PEAK1: variants seen among roughly 807,000 people sequenced by gnomAD.
PEAK1 encodes pseudopodium enriched atypical kinase 1.
In PEAK1, 54 loss-of-function variants were observed where a neutral mutation model predicts 124.7. The ratio of observed to expected loss-of-function variants is 0.43; its 90% confidence interval spans 0.35 to 0.54. The LOEUF (loss-of-function observed/expected upper bound fraction) is 0.54, where lower values mean the gene tolerates loss of function less well. Among genes scored for constraint, PEAK1 ranks in the 20% least tolerant of loss-of-function variants. PEAK1 has a pLI of 0.01. For missense variants in PEAK1, 2,046 were observed against 2,134.5 expected (o/e 0.96, Z 0.82); for synonymous variants, 719 against 760.0 (o/e 0.95, Z 0.89).
rs531002750 is a variant in PEAK1, at chr15:77,259,629, G to C, written c.-274-7103C>G. On this transcript the variant is annotated intron_variant, in intron 5 of 9. Coordinates refer to ENST00000682557, the MANE Select transcript of PEAK1 (RefSeq NM_001385026.1). ...TAATTCAACTTCTGCTTCTGACCAT[G>C]AGGGATTAAACAGTTCCAGGATGAT... 4.6e-5 allele frequency among the ~76,000 whole-genome samples: 7 copies of C among 152,254 alleles called. No individual in the cohort carries two copies. The East Asian group carries it at 1.4e-3, about 29-fold the overall frequency.
At chr15:77,398,390 A>G (rs575840621) in intron 1 of PEAK1, among the ~76,000 whole-genome samples, 1 of 152,338 alleles carries the variant, frequency 6.6e-6, no homozygotes, top group Non-Finnish European at 1.5e-5. Context: ...ACTGAATCCA[A>G]TAACACATTA....
At chr15:77,152,927 C>T (rs2054784867) in intron 8 of PEAK1, among the ~76,000 whole-genome samples, 1 of 152,282 alleles carries the variant, frequency 6.6e-6, no homozygotes, top group East Asian at 1.9e-4. Flanking sequence ...CAATGTTCAT[C>T]AAGGATATTG....
chr15:77,127,117 G>A (rs1020710324), intron 9 of PEAK1, among the ~76,000 whole-genome samples: 6 of 151,346 alleles, frequency 4.0e-5, no homozygotes, highest in African/African-American at 9.7e-5. Context: ...ACACTGGGGC[G>A]TGCTTGCACA....
At chr15:77,345,383 CAT>C (rs750156345) in intron 2 of PEAK1, among the ~76,000 whole-genome samples, 10 of 152,120 alleles carry the variant, frequency 6.6e-5, no homozygotes, top group Non-Finnish European at 1.0e-4. Context: ...CCCCATTTTG[CAT>C]AGTTTCTCTT....
intron 1 of PEAK1, among the ~76,000 whole-genome samples, chr15:77,409,123 T>C (rs1223306485): frequency 6.6e-6 from 1 of 152,130 alleles, no homozygotes; most frequent in Non-Finnish European, 1.5e-5. Context: ...CATCTTCCCT[T>C]GCGATAACAA....
intron 9 of PEAK1, among the ~76,000 whole-genome samples, chr15:77,128,991 A>G (rs1463633280): frequency 1.3e-5 from 2 of 152,216 alleles, no homozygotes; most frequent in Non-Finnish European, 2.9e-5. Context: ...CCACCAACTC[A>G]TATGTTGAAT....
At chr15:77,182,163 G>T in intron 6 of PEAK1, 123 bp from the exon 7 acceptor site, 2 of 868,278 alleles carry the variant, frequency 2.3e-6, no homozygotes, top group Non-Finnish European at 3.0e-6. Context: ...AAGACTGAGA[G>T]CTAAACTAAT....
intron 2 of PEAK1, among the ~76,000 whole-genome samples, chr15:77,290,644 G>A (rs1434138324): frequency 6.6e-6 from 1 of 152,022 alleles, no homozygotes; most frequent in African/African-American, 2.4e-5. Flanking sequence ...CCACCTCCCA[G>A]GCTCAAGCAA....
intron 6 of PEAK1, among the ~76,000 whole-genome samples, chr15:77,197,727 G>C (rs2058176500): frequency 6.6e-6 from 1 of 152,116 alleles, no homozygotes; most frequent in African/African-American, 2.4e-5. Context: ...TAAGAACTCT[G>C]ACTAACTGAA....
chr15:77,288,023 T>G (rs2063017615), intron 2 of PEAK1, among the ~76,000 whole-genome samples: 1 of 152,206 alleles, frequency 6.6e-6, no homozygotes, highest in South Asian at 2.1e-4. Flanking sequence ...CATCTCCCCA[T>G]CTCTAATTTT....
intron 2 of PEAK1, chr15:77,336,208 A>G (rs1376208836): frequency 1.0e-6 from 1 of 985,320 alleles, no homozygotes; most frequent in Non-Finnish European, 1.2e-6. Flanking sequence ...GCAGAGAATC[A>G]GCCTCATTCA....
intron 5 of PEAK1, among the ~76,000 whole-genome samples, chr15:77,282,588 C>T (rs1316727692): frequency 6.6e-6 from 1 of 152,140 alleles, no homozygotes; most frequent in Admixed American, 6.5e-5. Context: ...ATCAGGAATT[C>T]TTTAAGCCTA....
At chr15:77,149,924 A>AT (rs1419303098) in intron 8 of PEAK1, among the ~76,000 whole-genome samples, 4 of 151,902 alleles carry the variant, frequency 2.6e-5, no homozygotes, top group Non-Finnish European at 4.4e-5. Context: ...AATTTTTGTT[A>AT]TTTTTTGTAG....
intron 2 of PEAK1, among the ~76,000 whole-genome samples, chr15:77,360,453 A>G (rs1463227499): frequency 6.6e-6 from 1 of 152,248 alleles, no homozygotes; most frequent in African/African-American, 2.4e-5. Context: ...ATATTTGTAA[A>G]TCATTTCTCA....
Position 77,192,855 on chromosome 15 carries a change from T to C in PEAK1, c.-114-10815A>G, listed in dbSNP as rs2057909018. Among the ~76,000 whole-genome samples the C allele has an allele frequency of 2.0e-5, 3 of 152,182 alleles. No individual in the cohort carries two copies. In the South Asian group the frequency reaches 6.2e-4, roughly 32 times the overall value. Reference sequence around the variant, plus strand: ...TTTTTTTTAAATGAAAAAAAAATTCTTTATATTATACAAGTAATCAGAAAA... The same window carrying C: ...TTTTTTTTAAATGAAAAAAAAATTCCTTATATTATACAAGTAATCAGAAAA... On this transcript the variant is annotated intron_variant, in intron 6 of 9. Transcript: ENST00000682557.
At chr15:77,228,702 T>C (rs2059783432) in intron 6 of PEAK1, among the ~76,000 whole-genome samples, 1 of 152,082 alleles carries the variant, frequency 6.6e-6, no homozygotes, top group Non-Finnish European at 1.5e-5. Context: ...ATTAAAAAAA[T>C]TAAAAACTAT....
chr15:77,388,973 T>A (rs1233230428), intron 1 of PEAK1, among the ~76,000 whole-genome samples: 1 of 150,710 alleles, frequency 6.6e-6, no homozygotes, highest in Admixed American at 6.6e-5. Flanking sequence ...TTTTTTTTTT[T>A]TTTTTTGGAG....
At chr15:77,381,182 G>T in intron 1 of PEAK1, 1 of 965,014 alleles carries the variant, frequency 1.0e-6, no homozygotes. Context: ...AACCTAAAAA[G>T]CTAATCTAGG....
At chr15:77,324,397 C>G (rs2065437435) in intron 2 of PEAK1, among the ~76,000 whole-genome samples, 1 of 152,126 alleles carries the variant, frequency 6.6e-6, no homozygotes, top group Non-Finnish European at 1.5e-5. Flanking sequence ...ACGAGAATCA[C>G]TTGAATCCAG....
Sources: gnomAD v4.1 joint callset for allele counts (sites outside exome capture counted in the v4.1 genomes callset) on GRCh38, gnomAD v4.1.1 for gene constraint, MANE v1.5 for transcripts, NCBI Gene and HGNC (gene_info 2026-07-23, HGNC 2026-07-21) for gene names.